The following RANGAP1 variants were observed in gnomAD, a reference collection of about 807,000 sequenced individuals.
RANGAP1 encodes the protein ran GTPase-activating protein 1.
In RANGAP1, 38 loss-of-function variants were observed where a neutral mutation model predicts 63.5. The observed-to-expected ratio is 0.60, with a 90% CI of 0.46 to 0.78. The LOEUF (loss-of-function observed/expected upper bound fraction) is 0.78. Among genes scored for constraint, RANGAP1 ranks in the 30% least tolerant of loss-of-function variants. The pLI, the probability that RANGAP1 is intolerant of heterozygous loss-of-function variation, is 0.00. For missense variants in RANGAP1, 630 were observed against 740.3 expected (o/e 0.85, Z 1.73); for synonymous variants, 329 against 310.5 (o/e 1.06, Z -0.63).
Position 41,257,873 on chromosome 22 carries a change from C to A in RANGAP1, c.774+75G>T. On this transcript the variant is annotated intron_variant, in intron 7 of 15. Transcript: ENST00000356244. The surrounding 1 kb of genome is among the most constrained non-coding windows in gnomAD (Gnocchi z 4.0). ...GTAGAGGAGTCCCTGCTAAACGGAG[C>A]CCCAGCTTCCCTGGAAAGACAGCAG... The A allele has an allele frequency of 6.7e-7, 1 of 1,491,514 alleles. No homozygotes were observed. The highest frequency in any genetic ancestry group is 1.3e-5 in the South Asian group (1 of 77,700). 92.4% of individuals were successfully genotyped at this position (1,491,514 alleles called of 1,614,324 possible).
At chr22:41,258,427 C>A (rs965684758) in intron 6 of RANGAP1, among the ~76,000 whole-genome samples, 4 of 152,184 alleles carry the variant, frequency 2.6e-5, no homozygotes, top group Non-Finnish European at 5.9e-5. Context: ...CAGTGGGGAC[C>A]CTGGCTGTGG....
intron 3 of RANGAP1, among the ~76,000 whole-genome samples, chr22:41,271,823 CAG>C: frequency 6.6e-6 from 1 of 152,350 alleles, no homozygotes; most frequent in East Asian, 1.9e-4. Flanking sequence ...GCTGCAGCAG[CAG>C]AGAGAACCCC....
intron 4 of RANGAP1, among the ~76,000 whole-genome samples, chr22:41,265,417 T>C (rs576387610): frequency 2.0e-5 from 3 of 151,300 alleles, no homozygotes; most frequent in Non-Finnish European, 2.9e-5. Flanking sequence ...CACCCAGGAG[T>C]GTGAGGCAGC....
chr22:41,273,406 C>T (rs187666651), intron 3 of RANGAP1, among the ~76,000 whole-genome samples: 4 of 152,200 alleles, frequency 2.6e-5, no homozygotes, highest in Admixed American at 6.5e-5. Context: ...TTGGGGAACA[C>T]GGGGCTAGAA....
intron 1 of RANGAP1, chr22:41,284,997 G>A (rs1374088206): frequency 6.6e-6 from 1 of 151,972 alleles, no homozygotes; most frequent in Non-Finnish European, 1.5e-5. Context: ...TGTCTCCACA[G>A]AAAAATTTAA....
In RANGAP1 at chr22:41,245,380, A is replaced by C. The variant is rs1271799260; in HGVS notation, c.*1223T>G. On this transcript the variant is annotated 3_prime_UTR_variant, in exon 16 of 16. Transcript: ENST00000356244. Reference sequence around the variant, plus strand: ...TAGTGAAGGAGCAACGCAGAAGCCAAGCGAGCTGCAGCCCAAAGGCAGGGT... The same window carrying C: ...TAGTGAAGGAGCAACGCAGAAGCCACGCGAGCTGCAGCCCAAAGGCAGGGT... Among the ~76,000 whole-genome samples, 1 of 152,218 alleles carries C rather than the reference A, an allele frequency of 6.6e-6. No homozygotes were observed. The highest frequency in any genetic ancestry group is 1.5e-5 in the Non-Finnish European group (1 of 68,040).
Position 41,257,360 on chromosome 22 carries a change from C to T in RANGAP1, c.775-536G>A, listed in dbSNP as rs2033902841. Reference sequence around the variant, plus strand: ...CTGTTACCACTGGCAGCTTCCTTCCCTCCTTGAGCTAGGGTCTCCCTGAAG... The same window carrying T: ...CTGTTACCACTGGCAGCTTCCTTCCTTCCTTGAGCTAGGGTCTCCCTGAAG... On this transcript the variant is annotated intron_variant, in intron 7 of 15. Coordinates refer to ENST00000356244, the MANE Select transcript of RANGAP1 (RefSeq NM_002883.4). This position sits in a 1 kb window ranked among gnomAD's most constrained non-coding sequence, Gnocchi z 4.0. Among the ~76,000 whole-genome samples the T allele has an allele frequency of 6.6e-6, 1 of 152,170 alleles. No individual in the cohort carries two copies.
chr22:41,281,251 C>G lies in RANGAP1; in HGVS notation c.-38-169G>C, dbSNP rs887928053. 5 of 901,474 alleles carry G rather than the reference C, an allele frequency of 5.5e-6. No individual in the cohort carries two copies. In the African/African-American group the frequency reaches 8.5e-5, roughly 15 times the overall value. 55.8% of individuals were successfully genotyped at this position (901,474 alleles called of 1,614,324 possible). A position where few individuals can be genotyped will look rare whatever the true frequency, so the allele number is the denominator to read the frequency against. ...AAACAGCATCAGAGAAGGAACAGTT[C>G]TAGAAGGTGCAGGAGGTAGTAAAAG... is the stretch of plus-strand genomic sequence containing the variant. On this transcript the variant is annotated intron_variant, in intron 1 of 15. Transcript: ENST00000356244.
chr22:41,289,395 G>A (rs1202445975), upstream of RANGAP1, among the ~76,000 whole-genome samples: 3 of 151,922 alleles, frequency 2.0e-5, no homozygotes, highest in Non-Finnish European at 2.9e-5. Flanking sequence ...GGCGAGGCAG[G>A]TGGATCATCT....
At chr22:41,268,072 G>A (rs1464281261) in intron 4 of RANGAP1, 25 bp downstream of exon 4, 6 of 1,516,156 alleles carry the variant, frequency 4.0e-6, no homozygotes, top group East Asian at 2.4e-5. Context: ...TGCGCGTGGA[G>A]GGGAAGAGCG....
Position 41,281,022 on chromosome 22 carries a change from T to C in RANGAP1, c.23A>G (p.Lys8Arg), listed in dbSNP as rs1303121038. The C allele has an allele frequency of 1.9e-6, 3 of 1,609,366 alleles. No homozygotes were observed. The highest frequency in any genetic ancestry group is 1.1e-5 in the South Asian group (1 of 90,510). Reference sequence around the variant, plus strand: ...AGTCTTGGCAAGTGTCTCTGCCAGCTTGGCAATGTCTTCCGAGGCCATGTT... The same window carrying C: ...AGTCTTGGCAAGTGTCTCTGCCAGCCTGGCAATGTCTTCCGAGGCCATGTT... The part of the protein sequence containing the change: MASEDIA[K>R]LAETLAKTQV... The change falls in exon 2 of 16, where the codon AAG (lysine) becomes AGG (arginine). Residue 8 changes from lysine to arginine, a missense_variant. Around this residue, in one of 3 missense-constraint regions of RANGAP1, gnomAD observed 65 missense variants for 60.5 expected, o/e 1.07. Coordinates refer to ENST00000356244, the MANE Select transcript of RANGAP1 (RefSeq NM_002883.4).
At chr22:41,301,936 A>G in the RANGAP1 span, among the ~76,000 whole-genome samples, 1 of 151,970 alleles carries the variant, frequency 6.6e-6, no homozygotes, top group Non-Finnish European at 1.5e-5. Context: ...CCACCTGGAA[A>G]GTGGGATTTT....
chr22:41,255,153 C>G (rs2033742915), intron 10 of RANGAP1, among the ~76,000 whole-genome samples: 1 of 152,132 alleles, frequency 6.6e-6, no homozygotes, highest in Admixed American at 6.6e-5. Context: ...TCCACATGAC[C>G]TCAGGAAGCT....
At chr22:41,267,349 T>A (rs997839850) in intron 4 of RANGAP1, among the ~76,000 whole-genome samples, 2 of 151,364 alleles carry the variant, frequency 1.3e-5, no homozygotes, top group Admixed American at 6.6e-5. Context: ...TAAAAAAAAA[T>A]AAAAGGAGGT....
At chr22:41,292,607 A>C in the RANGAP1 span, among the ~76,000 whole-genome samples, 1 of 151,686 alleles carries the variant, frequency 6.6e-6, no homozygotes, top group Non-Finnish European at 1.5e-5. Flanking sequence ...AAAAATACAA[A>C]AAGTAGCTGG....
At chr22:41,276,237 TG>T (rs1476052963) in intron 2 of RANGAP1, among the ~76,000 whole-genome samples, 2 of 152,244 alleles carry the variant, frequency 1.3e-5, no homozygotes, top group African/African-American at 4.8e-5. Flanking sequence ...TCTCTCTAGC[TG>T]GTAGGATAAT....
In RANGAP1 at chr22:41,251,020, C is replaced by T. The variant is rs1324094216; in HGVS notation, c.1470G>A (p.Val490=). ...FKDEATVRMA[V]QDAVDALMQK... ...AGCCCACATTACCTACTGCATCCTGCACTGCCATCCTCACAGTAGCTTCGT... is the reference window on the plus strand; with the variant it reads ...AGCCCACATTACCTACTGCATCCTGTACTGCCATCCTCACAGTAGCTTCGT... The change falls in exon 13 of 16, where the codon GTG becomes GTA. Residue 490 remains valine, a synonymous_variant. Transcript: ENST00000356244. 1.4e-5 allele frequency: 23 copies of T among 1,614,032 alleles called. No individual in the cohort carries two copies. The highest frequency in any genetic ancestry group is 3.3e-5 in the Admixed American group (2 of 59,994).
intron 1 of RANGAP1, among the ~76,000 whole-genome samples, chr22:41,282,820 G>GT (rs1200684983): frequency 7.2e-5 from 11 of 152,042 alleles, no homozygotes; most frequent in Non-Finnish European, 4.4e-5. Context: ...ATGAATAAAC[G>GT]TATCTGTGAG....
chr22:41,249,856 G>A (rs768339155), intron 13 of RANGAP1, 39 bp from the exon 14 acceptor site: 1 of 1,579,908 alleles, frequency 6.3e-7, no homozygotes. Context: ...TGCTGGCTAT[G>A]GCAGAGGGCT....
Sources: allele counts gnomAD v4.1 joint callset (sites outside exome capture counted in the v4.1 genomes callset), GRCh38; gene constraint gnomAD v4.1.1; regional missense constraint gnomAD v4.1.1; non-coding constraint Gnocchi (gnomAD v3.1); transcripts MANE v1.5; gene names NCBI Gene and HGNC (gene_info 2026-07-23, HGNC 2026-07-21).